The following SORBS2 variants were observed in gnomAD, a reference collection of about 807,000 sequenced individuals.
SORBS2 encodes sorbin and SH3 domain containing 2.
In SORBS2, 46 loss-of-function variants were observed where a neutral mutation model predicts 97.7. That is an observed-to-expected ratio of 0.47 (90% CI 0.37 to 0.60). SORBS2 has a LOEUF of 0.60. SORBS2 is among the 20% of genes least tolerant of loss of function. SORBS2 has a pLI of 0.00. For synonymous variants in SORBS2, 476 were observed against 473.4 expected (o/e 1.01, Z -0.07); for missense variants, 1,316 against 1,282.3 (o/e 1.03, Z -0.40).
chr4:185,851,407 G>A (rs188701681), intron 1 of SORBS2, among the ~76,000 whole-genome samples: 5 of 152,238 alleles, frequency 3.3e-5, no homozygotes, highest in Admixed American at 2.6e-4. Flanking sequence ...GATTATAAAG[G>A]AAAGGTGGAT....
chr4:185,710,334 C>T (rs546543442), intron 2 of SORBS2, among the ~76,000 whole-genome samples: 5 of 152,246 alleles, frequency 3.3e-5, no homozygotes, highest in African/African-American at 4.8e-5. Flanking sequence ...GCTCGTCTTG[C>T]GACATAAAAT....
intron 2 of SORBS2, among the ~76,000 whole-genome samples, chr4:185,739,013 C>G (rs2098706004): frequency 6.6e-6 from 1 of 152,226 alleles, no homozygotes; most frequent in African/African-American, 2.4e-5. Context: ...GATTCAAGAA[C>G]TCTAGCATCA....
At chr4:185,941,619 C>T (rs1389886838) in intron 1 of SORBS2, among the ~76,000 whole-genome samples, 1 of 152,124 alleles carries the variant, frequency 6.6e-6, no homozygotes, top group African/African-American at 2.4e-5. Context: ...CTTGCTTTCC[C>T]TCTGATTCAG....
chr4:185,926,550 G>T lies in SORBS2; in HGVS notation c.-338+29646C>A, dbSNP rs1329550188. On this transcript the variant is annotated intron_variant, in intron 1 of 20. Coordinates refer to the SORBS2 transcript ENST00000284776. ...GTTGATTTGAAATGTTCAAGTTGTGGTTTTGTTTTTTTTTTAATGGCAATG... is the reference window on the plus strand; with the variant it reads ...GTTGATTTGAAATGTTCAAGTTGTGTTTTTGTTTTTTTTTTAATGGCAATG... 3.7e-5 allele frequency among the ~76,000 whole-genome samples: 5 copies of T among 134,656 alleles called. No homozygotes were observed. The East Asian group carries it at 8.7e-4, about 23-fold the overall frequency. 88.3% of individuals were successfully genotyped at this position (134,656 alleles called of 152,430 possible).
intron 2 of SORBS2, among the ~76,000 whole-genome samples, chr4:185,708,304 T>C (rs908241247): frequency 6.1e-4 from 93 of 152,302 alleles, no homozygotes; most frequent in African/African-American, 2.1e-3. Flanking sequence ...TCACGATAAA[T>C]AAATGTGGTC....
chr4:185,611,473 A>T (rs2096537618), intron 12 of SORBS2, among the ~76,000 whole-genome samples: 1 of 152,050 alleles, frequency 6.6e-6, no homozygotes, highest in African/African-American at 2.4e-5. Flanking sequence ...GAAAACATTT[A>T]TGTACACAGG....
chr4:185,830,481 T>A (rs2153673465), intron 1 of SORBS2, among the ~76,000 whole-genome samples: 1 of 152,290 alleles, frequency 6.6e-6, no homozygotes, highest in African/African-American at 2.4e-5. Flanking sequence ...ACAAATATCA[T>A]CATAAACGCT....
intron 4 of SORBS2, among the ~76,000 whole-genome samples, chr4:185,637,074 C>T (rs2097021311): frequency 6.6e-6 from 1 of 152,228 alleles, no homozygotes; most frequent in South Asian, 2.1e-4. Flanking sequence ...TTAAGATCCA[C>T]AGGACTTCCT....
intron 1 of SORBS2, among the ~76,000 whole-genome samples, chr4:185,838,830 T>C (rs2099209755): frequency 6.6e-6 from 1 of 152,190 alleles, no homozygotes; most frequent in East Asian, 1.9e-4. Flanking sequence ...CACTTTGACA[T>C]GGAACCTCCT....
intron 1 of SORBS2, among the ~76,000 whole-genome samples, chr4:185,910,000 A>AAAAG (rs2099254041): frequency 6.6e-6 from 1 of 151,684 alleles, no homozygotes; most frequent in African/African-American, 2.4e-5. Context: ...AAAAAAAAAA[A>AAAAG]AAAAGAAAAG....
intron 4 of SORBS2, among the ~76,000 whole-genome samples, chr4:185,644,096 G>A (rs1412374076): frequency 1.3e-5 from 2 of 152,110 alleles, no homozygotes; most frequent in African/African-American, 4.8e-5. Flanking sequence ...TGGAAAGGCT[G>A]GCCAACATGT....
In SORBS2 at chr4:185,678,714, A is replaced by T. The variant is rs903096568; in HGVS notation, c.-171+82T>A. The T allele has an allele frequency of 8.6e-6, 10 of 1,165,948 alleles. No homozygotes were observed. In the African/African-American group the frequency reaches 1.1e-4, roughly 13 times the overall value. The allele number at this position is 1,165,948 out of a possible 1,614,324, so 72.2% of individuals were successfully genotyped here. A position where few individuals can be genotyped will look rare whatever the true frequency, so the allele number is the denominator to read the frequency against. On this transcript the variant is annotated intron_variant, in intron 3 of 20. Transcript: ENST00000284776. ...ACAGTACATGAAATTTAAATTTAAC[A>T]TGAAGTCAGCGATGTGGCTATGAAT...
intron 1 of SORBS2, among the ~76,000 whole-genome samples, chr4:185,803,878 A>T (rs1332262969): frequency 6.6e-6 from 1 of 152,198 alleles, no homozygotes; most frequent in South Asian, 2.1e-4. Context: ...CCTTCTCCCA[A>T]AACAGATATG....
At chr4:185,633,836 A>G (rs1435351420) in intron 4 of SORBS2, among the ~76,000 whole-genome samples, 1 of 151,854 alleles carries the variant, frequency 6.6e-6, no homozygotes, top group South Asian at 2.1e-4. Context: ...GATGCACTCT[A>G]AATTCCATTT....
At chr4:185,657,204 C>T, upstream of SORBS2, 1 of 422,870 alleles carries the variant, frequency 2.4e-6, no homozygotes, top group African/African-American at 2.1e-5. Context: ...TCGCAATGTT[C>T]ATGATGTTTC....
chr4:185,926,091 TG>T (rs140002622), intron 1 of SORBS2, among the ~76,000 whole-genome samples: 2,516 of 152,326 alleles, frequency 0.017, 64 homozygotes, highest in African/African-American at 0.053. Context: ...GAAACAGAGC[TG>T]GAGAGCAAGG....
At chr4:185,820,078 G>A (rs80203294) in intron 1 of SORBS2, among the ~76,000 whole-genome samples, 1,614 of 152,252 alleles carry the variant, frequency 0.011, 15 homozygotes, top group African/African-American at 0.033. Context: ...TTTATGGTGC[G>A]GCACTGGGTG....
At position 185,778,227 on chromosome 4, in the gene SORBS2, T is replaced by A. The variant is rs184583323; in HGVS notation, c.-337-2861A>T. 3.3e-5 allele frequency among the ~76,000 whole-genome samples: 5 copies of A among 152,312 alleles called. No homozygotes were observed. The East Asian group carries it at 7.7e-4, about 24-fold the overall frequency. On this transcript the variant is annotated intron_variant, in intron 1 of 20. Coordinates refer to the SORBS2 transcript ENST00000284776. ...ATGCAGGCCAACGGTTCTCAAAAGG[T>A]AGTGAGCATCAATGACCCAGAAGCT...
chr4:185,778,622 C>A (rs896562809), intron 1 of SORBS2, among the ~76,000 whole-genome samples: 1 of 152,100 alleles, frequency 6.6e-6, no homozygotes, highest in Admixed American at 6.5e-5. Context: ...CGGCCCCGCC[C>A]CTAGAGAGTC....
Sources: allele counts gnomAD v4.1 joint callset (sites outside exome capture counted in the v4.1 genomes callset), GRCh38; gene constraint gnomAD v4.1.1; transcripts MANE v1.5; gene names NCBI Gene and HGNC (gene_info 2026-07-23, HGNC 2026-07-21).